ZSWIM6: variants seen among roughly 807,000 people sequenced by gnomAD.
ZSWIM6 encodes zinc finger SWIM-type containing 6.
ZSWIM6 carries 9 observed loss-of-function variants against 113.2 expected under a neutral mutation model. The ratio of observed to expected loss-of-function variants is 0.08; its 90% CI spans 0.05 to 0.14. The LOEUF is 0.14. Ranked by LOEUF, ZSWIM6 falls within the 10% of genes least tolerant of loss-of-function variation. ZSWIM6 has a pLI of 1.00. For synonymous variants in ZSWIM6, 611 were observed against 606.5 expected, an observed-to-expected ratio of 1.01 and a Z score of -0.11; for missense variants, 1,162 against 1,552.2, an observed-to-expected ratio of 0.75 and a Z score of 4.22.
At chr5:61,408,975 T>C (rs1746098994) in intron 1 of ZSWIM6, among the ~76,000 whole-genome samples, 1 of 151,692 alleles carries the variant, frequency 6.6e-6, no homozygotes, top group South Asian at 2.1e-4. Flanking sequence ...TGTGTGTGAC[T>C]GACCCGACCG....
chr5:61,485,260 C>T (rs1747986459), intron 2 of ZSWIM6, among the ~76,000 whole-genome samples: 2 of 152,296 alleles, frequency 1.3e-5, no homozygotes, highest in South Asian at 2.1e-4. Flanking sequence ...CTCTCCAACT[C>T]TTCCTAAGAG....
intron 1 of ZSWIM6, among the ~76,000 whole-genome samples, chr5:61,364,992 T>C (rs185533097): frequency 6.4e-4 from 97 of 152,322 alleles, no homozygotes; most frequent in Non-Finnish European, 1.3e-3. Context: ...ATATTTACTA[T>C]CTGGCTCTTT....
intron 4 of ZSWIM6, among the ~76,000 whole-genome samples, chr5:61,518,580 A>G (rs924138829): frequency 3.3e-5 from 5 of 152,202 alleles, no homozygotes; most frequent in African/African-American, 1.2e-4. Flanking sequence ...GGCTACATAA[A>G]TGTCTTCTTT....
At chr5:61,498,315 G>C (rs1201773410) in intron 4 of ZSWIM6, among the ~76,000 whole-genome samples, 1 of 152,134 alleles carries the variant, frequency 6.6e-6, no homozygotes, top group Non-Finnish European at 1.5e-5. Flanking sequence ...TATAAATCCT[G>C]TTTCTTAGGG....
At position 61,536,731 on chromosome 5, in the gene ZSWIM6, A is replaced by T. The variant is rs1749584321; in HGVS notation, c.2381+1112A>T. Reference sequence around the variant, plus strand: ...AGGATGTGTGTATGTGTCTGTGTGTATACCTATGTGTCAGTGTGTTTTAAG... The same window carrying T: ...AGGATGTGTGTATGTGTCTGTGTGTTTACCTATGTGTCAGTGTGTTTTAAG... On this transcript the variant is annotated intron_variant, in intron 10 of 13. Coordinates refer to ENST00000252744, the MANE Select transcript of ZSWIM6 (RefSeq NM_020928.2). Among the ~76,000 whole-genome samples, 5 of 152,194 alleles carry T rather than the reference A, an allele frequency of 3.3e-5. No individual in the cohort carries two copies. In the South Asian group the frequency reaches 1.0e-3, roughly 32 times the overall value.
Position 61,544,013 on chromosome 5 carries a change from C to T in ZSWIM6, c.3344C>T (p.Thr1115Ile). ...ATTTTGCGCAGATGCACTCTGACCA[C>T]TCCTGGCATGGTGGGACTTCATGGG... Reference protein sequence around the residue: ...SDILRRCTLTTPGMVGLHGRR... With the variant: ...SDILRRCTLTIPGMVGLHGRR... The change falls in exon 14 of 14, where the codon ACT (threonine) becomes ATT (isoleucine). Residue 1115 changes from threonine (T) to isoleucine (I), a missense_variant. Around this residue, in one of 4 missense-constraint regions of ZSWIM6, gnomAD observed 113 missense variants for 213.8 expected, o/e 0.53. Coordinates refer to ENST00000252744, the MANE Select transcript of ZSWIM6 (RefSeq NM_020928.2). 1.3e-6 allele frequency: 2 copies of T among 1,552,012 alleles called. No individual in the cohort carries two copies. The highest frequency in any genetic ancestry group is 8.7e-7 in the Non-Finnish European group (1 of 1,147,060).
chr5:61,381,409 A>G (rs1745472917), intron 1 of ZSWIM6, among the ~76,000 whole-genome samples: 1 of 152,194 alleles, frequency 6.6e-6, no homozygotes. Flanking sequence ...TTTAAAGAGT[A>G]TTTTCCAAAT....
intron 4 of ZSWIM6, among the ~76,000 whole-genome samples, chr5:61,515,851 G>A (rs1317771508): frequency 6.6e-6 from 1 of 152,074 alleles, no homozygotes; most frequent in East Asian, 1.9e-4. Context: ...GTGAGGTGCA[G>A]CCGAGTCATC....
Position 61,543,622 on chromosome 5 carries a change from C to G in ZSWIM6, c.2953C>G (p.Leu985Val). 4 of 1,551,798 alleles carry G rather than the reference C, an allele frequency of 2.6e-6. No individual in the cohort carries two copies. The highest frequency in any genetic ancestry group is 3.5e-6 in the Non-Finnish European group (4 of 1,147,030). The change falls in exon 14 of 14, where the codon CTG (leucine) becomes GTG (valine). Residue 985 changes from leucine (L) to valine (V), a missense_variant. Leu to Val is a conservative substitution (Grantham distance 32). Coordinates refer to ENST00000252744, the MANE Select transcript of ZSWIM6 (RefSeq NM_020928.2). This position sits in a 1 kb window ranked among gnomAD's most constrained non-coding sequence, Gnocchi z 4.3. ...GGCCAGCAGCGCCCGGACACTTGCACTGCAGTGTGCCATGAAGGATCCACA... is the reference window on the plus strand; with the variant it reads ...GGCCAGCAGCGCCCGGACACTTGCAGTGCAGTGTGCCATGAAGGATCCACA... ...KLASSARTLA[L>V]QCAMKDPQNC...
intron 4 of ZSWIM6, among the ~76,000 whole-genome samples, chr5:61,509,634 T>A (rs1231820386): frequency 6.6e-6 from 1 of 152,162 alleles, no homozygotes; most frequent in African/African-American, 2.4e-5. Context: ...AGGCCCAGAC[T>A]GGAGTCCTGG....
At chr5:61,333,009 G>GGGGGGGGGGGC in intron 1 of ZSWIM6, 61 bp downstream of exon 1, 2 of 439,898 alleles carry the variant, frequency 4.5e-6, no homozygotes, top group Non-Finnish European at 6.4e-6. Context: ...TGGGGGGGGG[G>GGGGGGGGGGGC]TGCCCGCCTT....
intron 2 of ZSWIM6, among the ~76,000 whole-genome samples, chr5:61,484,592 CA>C (rs1747966094): frequency 6.6e-6 from 1 of 152,096 alleles, no homozygotes; most frequent in African/African-American, 2.4e-5. Flanking sequence ...GGGGTGTGTG[CA>C]TATGTGTCTG....
chr5:61,334,692 A>G (rs1243669915), intron 1 of ZSWIM6, among the ~76,000 whole-genome samples: 1 of 152,060 alleles, frequency 6.6e-6, no homozygotes, highest in Non-Finnish European at 1.5e-5. Context: ...TTCTGTCTAG[A>G]GGGGGTTTAG....
At chr5:61,432,776 G>T (rs1422629764) in intron 1 of ZSWIM6, among the ~76,000 whole-genome samples, 1 of 152,154 alleles carries the variant, frequency 6.6e-6, no homozygotes, top group Non-Finnish European at 1.5e-5. Flanking sequence ...GTAGATAAAA[G>T]ATTTTAGTTT....
At chr5:61,355,595 C>T (rs1196485190) in intron 1 of ZSWIM6, among the ~76,000 whole-genome samples, 1 of 151,740 alleles carries the variant, frequency 6.6e-6, no homozygotes, top group Admixed American at 6.6e-5. Flanking sequence ...ATATAATTTA[C>T]AAGTAATTTG....
intron 1 of ZSWIM6, among the ~76,000 whole-genome samples, chr5:61,363,650 G>C (rs1745078325): frequency 6.6e-6 from 1 of 152,158 alleles, no homozygotes; most frequent in African/African-American, 2.4e-5. Context: ...AGCTATCAAG[G>C]ATGGACGTAA....
chr5:61,409,358 A>G (rs1182244347), intron 1 of ZSWIM6, among the ~76,000 whole-genome samples: 1 of 152,182 alleles, frequency 6.6e-6, no homozygotes, highest in Non-Finnish European at 1.5e-5. Context: ...TACCAGAAAG[A>G]AATTGTAAAA....
chr5:61,456,041 G>C (rs1004723572), intron 1 of ZSWIM6, among the ~76,000 whole-genome samples: 2 of 151,772 alleles, frequency 1.3e-5, no homozygotes, highest in African/African-American at 2.4e-5. Context: ...CTTGAAAATC[G>C]GATCCTCATT....
intron 1 of ZSWIM6, among the ~76,000 whole-genome samples, chr5:61,456,570 A>G (rs1416380454): frequency 1.3e-5 from 2 of 152,246 alleles, no homozygotes; most frequent in Non-Finnish European, 2.9e-5. Context: ...GCCACAAGAA[A>G]TGATTCTCTT....
Sources: gnomAD v4.1 joint callset for allele counts (sites outside exome capture counted in the v4.1 genomes callset) on GRCh38, gnomAD v4.1.1 for gene constraint, gnomAD v4.1.1 regional missense constraint, Gnocchi (gnomAD v3.1) non-coding constraint, MANE v1.5 for transcripts, NCBI Gene and HGNC (gene_info 2026-07-23, HGNC 2026-07-21) for gene names.